The following HYDIN variants were observed in gnomAD, a reference collection of about 807,000 sequenced individuals.
HYDIN encodes axonemal central pair apparatus protein HYDIN.
Under a neutral mutation model 403.9 loss-of-function variants are expected in HYDIN, and 132 were observed. The ratio of observed to expected loss-of-function variants is 0.33; its 90% confidence interval spans 0.28 to 0.38. The LOEUF (loss-of-function observed/expected upper bound fraction) is 0.38. Ranked by LOEUF, HYDIN falls within the 10% of genes least tolerant of loss-of-function variation. The probability of loss-of-function intolerance (pLI) is 1.00; values close to 1 mark genes in which losing one functional copy is unlikely to be tolerated. For synonymous variants in HYDIN, 1,202 were observed against 1,891.7 expected (o/e 0.64, Z 9.46); for missense variants, 2,827 against 5,009.5 (o/e 0.56, Z 13.15).
chr16:70,979,107 T>C (rs1286449140), intron 29 of HYDIN, 66 bp from the exon 30 acceptor site: 3 of 1,365,658 alleles, frequency 2.2e-6, no homozygotes, highest in African/African-American at 2.9e-5. Flanking sequence ...AAAATATGAA[T>C]GATGTCGCAA....
chr16:70,866,472 C>G, intron 66 of HYDIN, 143 bp from the exon 67 acceptor site: 1 of 604,820 alleles, frequency 1.7e-6, no homozygotes, highest in Non-Finnish European at 2.8e-6. Flanking sequence ...CCTGGTGGAT[C>G]ACTAGGGAAC....
chr16:71,175,522 C>A, intron 5 of HYDIN, 85 bp downstream of exon 5: 1 of 1,384,540 alleles, frequency 7.2e-7, no homozygotes, highest in Admixed American at 1.8e-5. Flanking sequence ...CCACCACCAC[C>A]AGCACTACCG....
intron 38 of HYDIN, among the ~76,000 whole-genome samples, chr16:70,960,210 G>T (rs1260350837): frequency 6.7e-6 from 1 of 150,176 alleles, no homozygotes; most frequent in Non-Finnish European, 1.5e-5. Context: ...ATACACAGCA[G>T]CTATTAAAAT....
intron 21 of HYDIN, among the ~76,000 whole-genome samples, chr16:71,021,220 CTTT>C (rs61127175): frequency 7.0e-6 from 1 of 142,050 alleles, no homozygotes; most frequent in Non-Finnish European, 1.6e-5. Context: ...TTTAATTTTT[CTTT>C]TTTTTTTTTT....
chr16:70,993,992 A>T (rs1278217516), intron 23 of HYDIN, among the ~76,000 whole-genome samples: 16 of 152,142 alleles, frequency 1.1e-4, no homozygotes, highest in Admixed American at 1.0e-3. Context: ...TTTACTATAA[A>T]TGAAAACACA....
chr16:70,859,072 C>T (rs531397384), intron 71 of HYDIN, among the ~76,000 whole-genome samples: 9 of 151,464 alleles, frequency 5.9e-5, no homozygotes, highest in Non-Finnish European at 1.2e-4. Context: ...GAGGCCGAGA[C>T]GGGCAGATCA....
At position 70,926,389 on chromosome 16, in the gene HYDIN, C is replaced by T. The variant is rs577856038; in HGVS notation, c.7159-5172G>A. On this transcript the variant is annotated intron_variant, in intron 45 of 85. Coordinates refer to ENST00000393567, the MANE Select transcript of HYDIN (RefSeq NM_001270974.2). ...AAAAACCAAACACCGCATGTTCTCA[C>T]TCATAGGTGGGAACTGAACAATGAG... 7.2e-5 allele frequency among the ~76,000 whole-genome samples: 11 copies of T among 151,870 alleles called. No homozygotes were observed. The South Asian group carries it at 1.5e-3, about 20-fold the overall frequency.
At chr16:71,026,506 T>C (rs1433895922) in intron 20 of HYDIN, among the ~76,000 whole-genome samples, 1 of 151,988 alleles carries the variant, frequency 6.6e-6, no homozygotes, top group East Asian at 1.9e-4. Context: ...AACCACATTA[T>C]AAATATGCTC....
chr16:71,130,504 G>A (rs966263064), intron 8 of HYDIN, among the ~76,000 whole-genome samples: 4 of 114,978 alleles, frequency 3.5e-5, no homozygotes, highest in Non-Finnish European at 5.2e-5. Flanking sequence ...TTTTTGAGAC[G>A]GAGTCTCGCT....
At position 71,129,661 on chromosome 16, in the gene HYDIN, G is replaced by A. The variant is rs778390461; in HGVS notation, c.1206C>T (p.Asn402=). 9.9e-6 allele frequency: 16 copies of A among 1,613,934 alleles called. No individual in the cohort carries two copies. The highest frequency in any genetic ancestry group is 8.3e-5 in the Admixed American group (5 of 59,998). ...TCACCAGGGGCTCCACAGTGAAAACGTTATTGAAGAACAGCTTGCTGTCTC... is the reference window on the plus strand; with the variant it reads ...TCACCAGGGGCTCCACAGTGAAAACATTATTGAAGAACAGCTTGCTGTCTC... ...VQGDSKLFFN[N]VFTVEPLEGD... The change falls in exon 9 of 86, where the codon AAC becomes AAT. Residue 402 remains asparagine (N), a synonymous_variant. Transcript: ENST00000393567.
At chr16:71,117,433 G>T (rs1292259239) in intron 9 of HYDIN, among the ~76,000 whole-genome samples, 1 of 151,682 alleles carries the variant, frequency 6.6e-6, no homozygotes, top group East Asian at 1.9e-4. Context: ...AGTCATGCAG[G>T]TCAAACACTT....
At chr16:70,930,247 G>A (rs1323331944) in intron 45 of HYDIN, among the ~76,000 whole-genome samples, 11 of 152,382 alleles carry the variant, frequency 7.2e-5, no homozygotes, top group African/African-American at 2.2e-4. Flanking sequence ...TTCAGAGGCC[G>A]AGGTGGGAGG....
intron 45 of HYDIN, among the ~76,000 whole-genome samples, chr16:70,922,365 T>C (rs1157125895): frequency 6.6e-6 from 1 of 152,250 alleles, no homozygotes; most frequent in African/African-American, 2.4e-5. Context: ...GTAGAGCAGC[T>C]GGAGGCTAGC....
At chr16:70,955,580 G>A (rs377045408) in intron 39 of HYDIN, 32 bp from the exon 40 acceptor site, 159 of 1,006,152 alleles carry the variant, frequency 1.6e-4, no homozygotes, top group Non-Finnish European at 2.2e-4. Flanking sequence ...TGAATTTCAC[G>A]GTGCTCATTT....
At chr16:71,185,881 A>G (rs1310606961) in intron 2 of HYDIN, among the ~76,000 whole-genome samples, 1 of 152,160 alleles carries the variant, frequency 6.6e-6, no homozygotes, top group Admixed American at 6.6e-5. Flanking sequence ...AACACAATGT[A>G]CTTTAAAAAT....
intron 83 of HYDIN, among the ~76,000 whole-genome samples, chr16:70,824,478 A>T (rs565612789): frequency 1.4e-3 from 210 of 150,746 alleles, no homozygotes; most frequent in South Asian, 7.5e-3. Flanking sequence ...ATTACCTATC[A>T]ATTTAATTTT....
chr16:71,208,212 T>A (rs1074626), intron 1 of HYDIN, among the ~76,000 whole-genome samples: 52,756 of 152,070 alleles, frequency 0.35, 9,611 homozygotes, highest in East Asian at 0.58. Flanking sequence ...GAAATCATAC[T>A]GACCACATTC....
At chr16:70,892,221 G>A (rs201713317) in intron 56 of HYDIN, 140 bp downstream of exon 56, 5 of 764,670 alleles carry the variant, frequency 6.5e-6, no homozygotes, top group South Asian at 4.4e-5. Flanking sequence ...ACAGAACCCC[G>A]GTGTATCCTA....
intron 65 of HYDIN, 148 bp from the exon 66 acceptor site, chr16:70,868,936 G>T: frequency 1.6e-6 from 1 of 633,690 alleles, no homozygotes; most frequent in Non-Finnish European, 2.6e-6. Context: ...AATTAAATAT[G>T]TACATGAGGA....
Sources: gnomAD v4.1 joint callset for allele counts (sites outside exome capture counted in the v4.1 genomes callset) on GRCh38, gnomAD v4.1.1 for gene constraint, MANE v1.5 for transcripts, NCBI Gene and HGNC (gene_info 2026-07-23, HGNC 2026-07-21) for gene names.